COL24A1: variants seen among roughly 807,000 people sequenced by gnomAD.
COL24A1 encodes the protein collagen type XXIV alpha 1 chain.
Under a neutral mutation model 253.9 loss-of-function variants are expected in COL24A1, and 224 were observed. The ratio of observed to expected loss-of-function variants is 0.88; its 90% confidence interval spans 0.79 to 0.99. The LOEUF is 0.99. Among genes scored for constraint, COL24A1 ranks in the 50% least tolerant of loss-of-function variants. COL24A1 has a pLI of 0.00. For synonymous variants in COL24A1, 685 were observed against 673.7 expected, an observed-to-expected ratio of 1.02 and a Z score of -0.26; for missense variants, 2,131 against 2,068.5, an observed-to-expected ratio of 1.03 and a Z score of -0.59.
chr1:85,995,757 A>G (rs1373753346), intron 19 of COL24A1, among the ~76,000 whole-genome samples: 1 of 152,036 alleles, frequency 6.6e-6, no homozygotes, highest in Non-Finnish European at 1.5e-5. Flanking sequence ...GGCAGATTTC[A>G]CCCTCAGTGC....
intron 19 of COL24A1, among the ~76,000 whole-genome samples, chr1:86,010,573 T>TAGCAATCCA (rs1696396543): frequency 6.6e-6 from 1 of 152,152 alleles, no homozygotes; most frequent in Non-Finnish European, 1.5e-5. Flanking sequence ...TCTTTCGACA[T>TAGCAATCCA]AGCAATCCAA....
intron 28 of COL24A1, 36 bp downstream of exon 28, chr1:85,907,158 G>C (rs1449461912): frequency 6.5e-7 from 1 of 1,549,052 alleles, no homozygotes; most frequent in South Asian, 1.1e-5. Context: ...AGTAATTTTG[G>C]GGGGGTTAAT....
chr1:85,762,843 G>C (rs1218664589), intron 53 of COL24A1, among the ~76,000 whole-genome samples: 1 of 152,122 alleles, frequency 6.6e-6, no homozygotes, highest in Non-Finnish European at 1.5e-5. Flanking sequence ...CTTCAAAAGA[G>C]GAATTTATCA....
intron 24 of COL24A1, among the ~76,000 whole-genome samples, chr1:85,954,667 T>C (rs1332076712): frequency 6.6e-6 from 1 of 152,196 alleles, no homozygotes; most frequent in Non-Finnish European, 1.5e-5. Flanking sequence ...CTCCTGATGA[T>C]GAAATGTATC....
intron 7 of COL24A1, among the ~76,000 whole-genome samples, chr1:86,068,876 AAAGGGAACTTCCTGCTTTG>A (rs1557482265): frequency 6.6e-6 from 1 of 152,102 alleles, no homozygotes; most frequent in African/African-American, 2.4e-5. Context: ...CTCTGGGTCA[AAAGGGAACTTCCTGCTTTG>A]AAGGGAAGGG....
At chr1:85,962,772 C>G (rs896412382) in intron 23 of COL24A1, among the ~76,000 whole-genome samples, 2 of 152,050 alleles carry the variant, frequency 1.3e-5, no homozygotes, top group African/African-American at 4.8e-5. Context: ...TATGTTATGT[C>G]TAAAAGTAAT....
chr1:85,806,402 T>C (rs144499431), intron 47 of COL24A1, among the ~76,000 whole-genome samples: 7 of 152,310 alleles, frequency 4.6e-5, no homozygotes, highest in African/African-American at 1.4e-4. Flanking sequence ...GGTCAGCCAA[T>C]GTTTTCTGTA....
At chr1:86,077,699 G>A (rs893826208) in intron 7 of COL24A1, among the ~76,000 whole-genome samples, 2 of 152,170 alleles carry the variant, frequency 1.3e-5, no homozygotes, top group Admixed American at 6.5e-5. Context: ...GGACATGGAT[G>A]AAGCTGGAAA....
intron 20 of COL24A1, among the ~76,000 whole-genome samples, chr1:85,981,056 G>A (rs1289864905): frequency 6.6e-6 from 1 of 152,190 alleles, no homozygotes; most frequent in Non-Finnish European, 1.5e-5. Context: ...AATAAATATT[G>A]TGAAAATGAC....
intron 31 of COL24A1, among the ~76,000 whole-genome samples, chr1:85,894,998 A>G (rs1314341974): frequency 6.6e-6 from 1 of 152,092 alleles, no homozygotes; most frequent in Admixed American, 6.5e-5. Flanking sequence ...ATCTATTTTT[A>G]TAACTTTATA....
chr1:85,779,571 G>C (rs1190254695), intron 52 of COL24A1, among the ~76,000 whole-genome samples: 1 of 151,982 alleles, frequency 6.6e-6, no homozygotes, highest in Non-Finnish European at 1.5e-5. Context: ...AAATCTGAAG[G>C]CTTTCCTATA....
intron 43 of COL24A1, among the ~76,000 whole-genome samples, chr1:85,833,312 A>G (rs569235490): frequency 5.5e-4 from 84 of 152,348 alleles, no homozygotes; most frequent in African/African-American, 2.0e-3. Context: ...GAAGGATATG[A>G]ACAGACACTT....
At chr1:86,025,550 T>C (rs1484781632) in intron 14 of COL24A1, among the ~76,000 whole-genome samples, 1 of 152,154 alleles carries the variant, frequency 6.6e-6, no homozygotes, top group African/African-American at 2.4e-5. Context: ...GACAACCAAC[T>C]GCATGGAAAA....
chr1:85,909,925 A>C (rs774034273), intron 26 of COL24A1, 25 bp downstream of exon 26: 1 of 1,593,220 alleles, frequency 6.3e-7, no homozygotes, highest in Non-Finnish European at 8.6e-7. Context: ...TTGGAAACAT[A>C]TTTTTCAAAT....
Position 85,875,335 on chromosome 1 carries a change from A to G in COL24A1, c.3031-5T>C. 6.2e-7 allele frequency: 1 copy of G among 1,613,036 alleles called. No homozygotes were observed. Among genetic ancestry groups the G allele is most frequent in the Non-Finnish European group, 8.5e-7 (1 of 1,179,102 alleles). On this transcript the variant is annotated splice_region_variant and splice_polypyrimidine_tract_variant and intron_variant, in intron 33 of 59. Coordinates refer to ENST00000370571, the MANE Select transcript of COL24A1 (RefSeq NM_152890.7). ...TCCCTCAGTGCCTGGAGGTCCCTAC[A>G]AGAGAATAATTTAACACATTACAAA...
chr1:86,067,257 A>C (rs921958987), intron 7 of COL24A1, among the ~76,000 whole-genome samples: 2 of 152,198 alleles, frequency 1.3e-5, no homozygotes, highest in African/African-American at 4.8e-5. Context: ...ATGCTCTAAA[A>C]CAAAGATGGG....
chr1:85,948,466 G>A (rs1176298192), intron 24 of COL24A1, among the ~76,000 whole-genome samples: 2 of 139,162 alleles, frequency 1.4e-5, no homozygotes, highest in African/African-American at 5.3e-5. Flanking sequence ...GGAGCTTGCA[G>A]TGAGCCGAGA....
chr1:85,956,312 C>T (rs554435909), intron 24 of COL24A1, among the ~76,000 whole-genome samples: 6 of 152,168 alleles, frequency 3.9e-5, no homozygotes, highest in East Asian at 3.9e-4. Context: ...TGAATGAATT[C>T]GTTATAACCC....
chr1:85,912,241 G>A (rs1685441277), intron 24 of COL24A1, among the ~76,000 whole-genome samples: 1 of 152,122 alleles, frequency 6.6e-6, no homozygotes, highest in Non-Finnish European at 1.5e-5. Flanking sequence ...AGATGTTAAA[G>A]AAGGTAATCA....
Sources: allele counts gnomAD v4.1 joint callset (sites outside exome capture counted in the v4.1 genomes callset), GRCh38; gene constraint gnomAD v4.1.1; transcripts MANE v1.5; gene names NCBI Gene and HGNC (gene_info 2026-07-23, HGNC 2026-07-21).